The following PTPRT variants were observed in gnomAD, a reference collection of about 807,000 sequenced individuals.
PTPRT encodes the protein protein tyrosine phosphatase receptor type T, also known as receptor-type tyrosine-protein phosphatase T.
Under a neutral mutation model 176.8 loss-of-function variants are expected in PTPRT, and 56 were observed. That is an observed-to-expected ratio of 0.32 (90% CI 0.26 to 0.40). The LOEUF (loss-of-function observed/expected upper bound fraction) is 0.40, where lower values mean the gene tolerates loss of function less well. Ranked by LOEUF, PTPRT falls within the 10% of genes least tolerant of loss-of-function variation. The probability of loss-of-function intolerance (pLI) is 1.00; values close to 1 mark genes in which losing one functional copy is unlikely to be tolerated. For missense variants in PTPRT, 1,540 were observed against 1,908.2 expected, an observed-to-expected ratio of 0.81 and a Z score of 3.60; for synonymous variants, 783 against 739.0, an observed-to-expected ratio of 1.06 and a Z score of -0.96.
At chr20:42,053,483 A>G in the PTPRT span, among the ~76,000 whole-genome samples, 17 of 152,206 alleles carry the variant, frequency 1.1e-4, no homozygotes, top group Non-Finnish European at 2.4e-4. Context: ...GTGGGCCTCA[A>G]TGGACTCAGA....
At chr20:42,946,033 G>A (rs960770574) in intron 1 of PTPRT, among the ~76,000 whole-genome samples, 3 of 152,152 alleles carry the variant, frequency 2.0e-5, no homozygotes, top group Non-Finnish European at 1.5e-5. Context: ...TGTTCTAGAG[G>A]TTCATCCACA....
In PTPRT at chr20:42,118,406, G is replaced by A; in HGVS notation, c.2979C>T (p.Gly993=). The A allele has an allele frequency of 6.2e-7, 1 of 1,610,776 alleles. No homozygotes were observed. The highest frequency in any genetic ancestry group is 1.1e-5 in the South Asian group (1 of 90,488). Residue 993 remains glycine, a synonymous_variant, in exon 21 of 31, where the codon GGC becomes GGT. Transcript: ENST00000373187. ...GGCGAGTGCAGGAGAGGCTTACCCT[G>A]CCCACTTCCACCAGGTTTGTGACCA... ...IVMVTNLVEV[G]RVKCVRYWPD...
At chr20:42,404,972 T>TTATATATACATATATATATATATATA (rs2058945275) in intron 9 of PTPRT, among the ~76,000 whole-genome samples, 1 of 77,956 alleles carries the variant, frequency 1.3e-5, no homozygotes, top group Non-Finnish European at 2.7e-5. Flanking sequence ...GGCCAATTAA[T>TTATATATACATATATATATATATATA]TATATATATA....
intron 7 of PTPRT, chr20:42,607,705 G>C (rs914151167): frequency 2.6e-5 from 4 of 152,382 alleles, no homozygotes; most frequent in African/African-American, 9.7e-5. Context: ...CAGGATGTGA[G>C]GGTGATGAGC....
chr20:42,059,231 T>C, the PTPRT span, among the ~76,000 whole-genome samples: 2 of 152,098 alleles, frequency 1.3e-5, no homozygotes, highest in African/African-American at 4.8e-5. Context: ...CTACACAGAC[T>C]GCCCCTGCTC....
rs145268668 is a variant in PTPRT at position 42,798,141 on chromosome 20, A to G, written c.215-6675T>C. On this transcript the variant is annotated intron_variant, in intron 2 of 30. Transcript: ENST00000373187. ...ACCCTTCCTGAAATCCACGCCACCC[A>G]GCTCAGCCATGGTCCTTCATTAAAC... is the stretch of plus-strand genomic sequence containing the variant. Among the ~76,000 whole-genome samples the G allele has an allele frequency of 4.0e-3, 604 of 152,244 alleles. 3 individuals are homozygous for G. The highest frequency in any genetic ancestry group is 0.014 in the African/African-American group (582 of 41,530).
chr20:42,062,282 G>T, the PTPRT span, among the ~76,000 whole-genome samples: 7 of 152,288 alleles, frequency 4.6e-5, no homozygotes, highest in East Asian at 9.7e-4. Flanking sequence ...AACCGCATTT[G>T]TCAGACATGT....
At chr20:42,336,959 G>C (rs367621400) in intron 11 of PTPRT, among the ~76,000 whole-genome samples, 1 of 152,166 alleles carries the variant, frequency 6.6e-6, no homozygotes, top group Non-Finnish European at 1.5e-5. Context: ...ACAACTTTCT[G>C]TGGCCTCCAG....
intron 9 of PTPRT, among the ~76,000 whole-genome samples, chr20:42,381,871 CT>C (rs1383239484): frequency 6.6e-6 from 1 of 152,056 alleles, no homozygotes; most frequent in Non-Finnish European, 1.5e-5. Flanking sequence ...AACTCCATGC[CT>C]TTTTTTGTAT....
intron 1 of PTPRT, among the ~76,000 whole-genome samples, chr20:43,015,021 G>A (rs1032783682): frequency 3.9e-5 from 6 of 152,270 alleles, no homozygotes; most frequent in East Asian, 1.9e-4. Flanking sequence ...ACCAATAACC[G>A]TTCTCCACTG....
At chr20:43,050,131 C>T (rs929862859) in intron 1 of PTPRT, among the ~76,000 whole-genome samples, 1 of 152,102 alleles carries the variant, frequency 6.6e-6, no homozygotes, top group Non-Finnish European at 1.5e-5. Context: ...ACACAGGTTA[C>T]CAAGGAAGGG....
At chr20:43,033,493 TC>T in intron 1 of PTPRT, among the ~76,000 whole-genome samples, 1 of 152,236 alleles carries the variant, frequency 6.6e-6, no homozygotes, top group South Asian at 2.1e-4. Context: ...TGCCCTGTCA[TC>T]CGCACAGGGA....
rs11415242 is a variant in PTPRT at position 42,119,013 on chromosome 20, GAAAAAAAAAAAAAAAAAA to G, written c.2885-531_2885-514del. Among the ~76,000 whole-genome samples, 12 of 29,224 alleles carry G rather than the reference GAAAAAAAAAAAAAAAAAA, an allele frequency of 4.1e-4. No individual in the cohort carries two copies. In the South Asian group the frequency reaches 0.026, roughly 62 times the overall value. The allele number at this position is 29,224 out of a possible 152,430, so 19.2% of individuals were successfully genotyped here. ...CTCTAGGGCCTCAACAGAAAGGAAG[GAAAAAAAAAAAAAAAAAA>G]AAAAAAAAAAGACCAGGAGCAGAAA... On this transcript the variant is annotated intron_variant, in intron 20 of 30. Coordinates refer to ENST00000373187, the MANE Select transcript of PTPRT (RefSeq NM_007050.6).
At chr20:42,593,094 C>T (rs1315857548) in intron 7 of PTPRT, among the ~76,000 whole-genome samples, 2 of 152,110 alleles carry the variant, frequency 1.3e-5, no homozygotes, top group Admixed American at 1.3e-4. Context: ...AAGGCAGAGG[C>T]AAAAACCGAA....
At chr20:42,213,675 A>G (rs1253899894) in intron 15 of PTPRT, among the ~76,000 whole-genome samples, 2 of 152,188 alleles carry the variant, frequency 1.3e-5, no homozygotes, top group African/African-American at 2.4e-5. Flanking sequence ...GCACTGGAAG[A>G]ATGCCACATG....
intron 9 of PTPRT, among the ~76,000 whole-genome samples, chr20:42,433,222 T>C (rs1160400565): frequency 6.6e-6 from 1 of 152,128 alleles, no homozygotes; most frequent in Non-Finnish European, 1.5e-5. Flanking sequence ...CTGCAGATAC[T>C]GCAACACAGT....
At chr20:42,088,952 T>A (rs1984315173) in intron 27 of PTPRT, among the ~76,000 whole-genome samples, 2 of 152,164 alleles carry the variant, frequency 1.3e-5, no homozygotes, top group Non-Finnish European at 2.9e-5. Context: ...ATAATAGTAA[T>A]AGCTATGATA....
At chr20:42,302,983 A>G (rs1168617341) in intron 12 of PTPRT, among the ~76,000 whole-genome samples, 8 of 152,188 alleles carry the variant, frequency 5.3e-5, no homozygotes, top group Admixed American at 5.2e-4. Context: ...TATACTTCCC[A>G]TTCCTCAACA....
At chr20:42,259,265 T>C (rs1158638363) in intron 13 of PTPRT, among the ~76,000 whole-genome samples, 2 of 152,226 alleles carry the variant, frequency 1.3e-5, no homozygotes, top group East Asian at 3.8e-4. Context: ...AATGAGACTC[T>C]GATAGAGAAC....
Sources: gnomAD v4.1 joint callset for allele counts (sites outside exome capture counted in the v4.1 genomes callset) on GRCh38, gnomAD v4.1.1 for gene constraint, MANE v1.5 for transcripts, NCBI Gene and HGNC (gene_info 2026-07-23, HGNC 2026-07-21) for gene names.